DGKE: variants seen among roughly 807,000 people sequenced by gnomAD.
DGKE encodes diacylglycerol kinase epsilon, also known as DAG kinase epsilon.
A neutral mutation model predicts 70.0 loss-of-function variants in DGKE; 53 were observed. That is an observed-to-expected ratio of 0.76 (90% CI 0.61 to 0.95). The LOEUF is 0.95. DGKE is among the 40% of genes least tolerant of loss of function. DGKE has a pLI of 0.00. For missense variants in DGKE, 655 were observed against 706.9 expected (o/e 0.93, Z 0.83); for synonymous variants, 291 against 257.0 (o/e 1.13, Z -1.27).
At chr17:56,839,659 C>G (rs1332950203) in intron 2 of DGKE, among the ~76,000 whole-genome samples, 1 of 152,148 alleles carries the variant, frequency 6.6e-6, no homozygotes, top group East Asian at 1.9e-4. Flanking sequence ...GCTGGGACTA[C>G]AGACATGCAC....
At chr17:56,850,448 C>A (rs945125928) in intron 7 of DGKE, among the ~76,000 whole-genome samples, 1 of 152,060 alleles carries the variant, frequency 6.6e-6, no homozygotes, top group African/African-American at 2.4e-5. Context: ...CTACATCTTG[C>A]AAATAGATAT....
chr17:56,859,162 C>CAA (rs138393124), intron 9 of DGKE, among the ~76,000 whole-genome samples: 5 of 140,918 alleles, frequency 3.5e-5, no homozygotes, highest in African/African-American at 1.1e-4. Flanking sequence ...TGTATAAATA[C>CAA]AAAAAAAAAA....
Position 56,868,303 on chromosome 17 carries a change from T to C in DGKE, c.*5512T>C, listed in dbSNP as rs1416914426. The C allele has an allele frequency of 6.6e-6, 1 of 152,246 alleles. No homozygotes were observed. The highest frequency in any genetic ancestry group is 6.5e-5 in the Admixed American group (1 of 15,286). The allele number at this position is 152,246 out of a possible 1,614,324, so 9.4% of individuals were successfully genotyped here. On this transcript the variant is annotated 3_prime_UTR_variant, in exon 12 of 12. Transcript: ENST00000284061. The stretch of plus-strand genomic sequence containing the variant: ...AGTTCAGGGCTCTGCCAGCAGTCTT[T>C]CAGATCTGAACTGCTTAAACAAACC...
chr17:56,838,877 AAAC>A (rs1906795486), intron 2 of DGKE: 3 of 152,194 alleles, frequency 2.0e-5, no homozygotes, highest in Admixed American at 2.0e-4. Context: ...GAAAAGGAAA[AAAC>A]ATCATGAATT....
chr17:56,852,335 C>T (rs1258459073), intron 7 of DGKE, among the ~76,000 whole-genome samples: 1 of 151,898 alleles, frequency 6.6e-6, no homozygotes, highest in Non-Finnish European at 1.5e-5. Flanking sequence ...ATTGCTTGAA[C>T]CCGAGAGGCA....
chr17:56,848,393 A>G (rs1452488455), intron 5 of DGKE, among the ~76,000 whole-genome samples: 1 of 152,118 alleles, frequency 6.6e-6, no homozygotes, highest in Non-Finnish European at 1.5e-5. Context: ...CCTGGGCTCA[A>G]GCGATCCTCC....
At chr17:56,854,096 T>C (rs999805676) in intron 7 of DGKE, among the ~76,000 whole-genome samples, 2 of 151,480 alleles carry the variant, frequency 1.3e-5, no homozygotes, top group Middle Eastern at 3.5e-3. Context: ...ATGTCACTTA[T>C]ATGTGGAATC....
chr17:56,845,573 G>T, intron 3 of DGKE, 117 bp from the exon 4 acceptor site: 1 of 1,011,766 alleles, frequency 9.9e-7, no homozygotes. Context: ...ATTGAATTGA[G>T]AGAACTAGTA....
At chr17:56,834,735 G>C (rs1271791728) in intron 1 of DGKE, 43 bp from the exon 2 acceptor site, 11 of 1,509,378 alleles carry the variant, frequency 7.3e-6, no homozygotes, top group East Asian at 2.3e-5. Context: ...GCGGGGAAGG[G>C]ATGGCGAGCT....
At chr17:56,836,159 A>C (rs1045255107) in intron 2 of DGKE, 5 of 152,134 alleles carry the variant, frequency 3.3e-5, no homozygotes, top group African/African-American at 1.2e-4. Context: ...GCGCATAAAC[A>C]TGCTTAAGAA....
At chr17:56,859,401 A>T (rs943405901) in intron 9 of DGKE, among the ~76,000 whole-genome samples, 2 of 152,008 alleles carry the variant, frequency 1.3e-5, no homozygotes, top group Non-Finnish European at 2.9e-5. Context: ...TTGCAACAGC[A>T]TCTCTGACAT....
intron 2 of DGKE, among the ~76,000 whole-genome samples, chr17:56,841,720 G>T (rs1261766953): frequency 6.6e-6 from 1 of 152,124 alleles, no homozygotes; most frequent in Non-Finnish European, 1.5e-5. Context: ...AGATTGCAAA[G>T]AAATAATCTC....
intron 2 of DGKE, among the ~76,000 whole-genome samples, chr17:56,837,388 C>T (rs892497864): frequency 2.0e-5 from 3 of 152,120 alleles, no homozygotes; most frequent in African/African-American, 7.2e-5. Context: ...ATTTTGTATC[C>T]TCCCATTGAG....
Position 56,834,976 on chromosome 17 carries a change from G to A in DGKE, c.181G>A (p.Gly61Arg), listed in dbSNP as rs764983358. The A allele has an allele frequency of 6.2e-7, 1 of 1,612,906 alleles. No individual in the cohort carries two copies. Among genetic ancestry groups the A allele is most frequent in the African/African-American group, 1.3e-5 (1 of 75,058 alleles). ...GGACATCTTCCGCAAGAGCAAGCAC[G>A]GGTGGCGCGACACGGACCTGTTCAG... Reference protein sequence around the residue: ...RRDIFRKSKHGWRDTDLFSQP... With the variant: ...RRDIFRKSKHRWRDTDLFSQP... The change falls in exon 2 of 12, where the codon GGG becomes AGG. Residue 61 changes from glycine to arginine, a missense_variant. Transcript: ENST00000284061.
intron 9 of DGKE, among the ~76,000 whole-genome samples, chr17:56,860,868 T>C (rs1203114622): frequency 6.6e-6 from 1 of 152,156 alleles, no homozygotes; most frequent in Non-Finnish European, 1.5e-5. Flanking sequence ...GCTAGAGAGA[T>C]GGACAGAAGT....
At position 56,864,240 on chromosome 17, in the gene DGKE, C is replaced by T. The variant is rs1457817056; in HGVS notation, c.*1449C>T. 3 of 152,170 alleles carry T rather than the reference C, an allele frequency of 2.0e-5. No homozygotes were observed. Among genetic ancestry groups the T allele is most frequent in the African/African-American group, 7.2e-5 (3 of 41,454 alleles). The allele number at this position is 152,170 out of a possible 1,614,324, so 9.4% of individuals were successfully genotyped here. A position where few individuals can be genotyped will look rare whatever the true frequency, so the allele number is the denominator to read the frequency against. Reference sequence around the variant, plus strand: ...AGCCTGGTGTTTTTCTGACACATGGCCCAGGCTTTGTGGTCTTTCATGACA... The same window carrying T: ...AGCCTGGTGTTTTTCTGACACATGGTCCAGGCTTTGTGGTCTTTCATGACA... On this transcript the variant is annotated 3_prime_UTR_variant, in exon 12 of 12. Transcript: ENST00000284061.
At chr17:56,854,625 G>T (rs964908378) in intron 7 of DGKE, among the ~76,000 whole-genome samples, 8 of 152,012 alleles carry the variant, frequency 5.3e-5, no homozygotes. Context: ...TAAAAGAGAG[G>T]ATTTTAGATG....
chr17:56,868,124 A>C lies in DGKE; in HGVS notation c.*5333A>C, dbSNP rs1908608402. On this transcript the variant is annotated 3_prime_UTR_variant, in exon 12 of 12. Coordinates refer to ENST00000284061, the MANE Select transcript of DGKE (RefSeq NM_003647.3). ...TGGAATGTTGAAAAGGAAGAGCTGGAAAGCTCAGTTGTTTTCCTTGTTCCT... is the reference window on the plus strand; with the variant it reads ...TGGAATGTTGAAAAGGAAGAGCTGGCAAGCTCAGTTGTTTTCCTTGTTCCT... 6.6e-6 allele frequency: 1 copy of C among 152,284 alleles called. No homozygotes were observed. The highest frequency in any genetic ancestry group is 1.5e-5 in the Non-Finnish European group (1 of 68,040). 9.4% of individuals were successfully genotyped at this position (152,284 alleles called of 1,614,324 possible).
chr17:56,848,154 G>T (rs1907423300), intron 5 of DGKE, 89 bp downstream of exon 5: 1 of 812,578 alleles, frequency 1.2e-6, no homozygotes, highest in African/African-American at 1.8e-5. Context: ...TTGTTGTTTT[G>T]TTGTTGTTGT....
Sources: gnomAD v4.1 joint callset for allele counts (sites outside exome capture counted in the v4.1 genomes callset) on GRCh38, gnomAD v4.1.1 for gene constraint, MANE v1.5 for transcripts, NCBI Gene and HGNC (gene_info 2026-07-23, HGNC 2026-07-21) for gene names.